Variants in NICN1 observed in about 807,000 individuals in gnomAD.
The protein encoded by NICN1 is nicolin 1, tubulin polyglutamylase complex subunit.
Under a neutral mutation model 26.3 loss-of-function variants are expected in NICN1, and 18 were observed. The observed-to-expected ratio is 0.68, with a 90% confidence interval of 0.47 to 1.01. NICN1 has a LOEUF of 1.01. NICN1 is among the 50% of genes least tolerant of loss of function. The pLI, the probability that NICN1 is intolerant of heterozygous loss-of-function variation, is 0.00. For missense variants in NICN1, 239 were observed against 278.3 expected, an observed-to-expected ratio of 0.86 and a Z score of 1.00; for synonymous variants, 109 against 111.0, an observed-to-expected ratio of 0.98 and a Z score of 0.11.
At chr3:49,425,279 C>T (rs2049161550) in intron 4 of NICN1, 88 bp downstream of exon 4, 1 of 1,193,870 alleles carries the variant, frequency 8.4e-7, no homozygotes, top group Non-Finnish European at 1.2e-6. Context: ...TGGGCCCAGC[C>T]CCAGAATTTT....
At position 49,424,987 on chromosome 3, in the gene NICN1, G is replaced by A. The variant is rs372441845; in HGVS notation, c.562C>T (p.Arg188Trp). The A allele has an allele frequency of 1.1e-5, 17 of 1,613,938 alleles. No individual in the cohort carries two copies. The highest frequency in any genetic ancestry group is 4.0e-5 in the African/African-American group (3 of 74,900). The change falls in exon 5 of 6, where the codon CGG (arginine) becomes TGG (tryptophan). Residue 188 changes from arginine (R) to tryptophan (W), a missense_variant. Transcript: ENST00000273598. ...QQMWALTEMI[R>W]ASHTSARIGR... ...ATCCTTGCGGAGGTGTGACTGGCCCGGATCATCTCTGTCAGTGCCCACATC... is the reference window on the plus strand; with the variant it reads ...ATCCTTGCGGAGGTGTGACTGGCCCAGATCATCTCTGTCAGTGCCCACATC...
Position 49,422,987 on chromosome 3 carries a change from C to T in NICN1, c.*1846G>A. 4.2e-6 allele frequency: 1 copy of T among 236,664 alleles called. No homozygotes were observed. Among genetic ancestry groups the T allele is most frequent in the African/African-American group, 2.3e-5 (1 of 44,310 alleles). The allele number at this position is 236,664 out of a possible 1,614,324, so 14.7% of individuals were successfully genotyped here. A position where few individuals can be genotyped will look rare whatever the true frequency, so the allele number is the denominator to read the frequency against. On this transcript the variant is annotated 3_prime_UTR_variant, in exon 6 of 6. Coordinates refer to ENST00000273598, the MANE Select transcript of NICN1 (RefSeq NM_032316.3). ...TTATTGATCTTACTGCATACCAGGC[C>T]CTCAGATGGGGACACAGCCACGAAT... is the stretch of plus-strand genomic sequence containing the variant.
intron 2 of NICN1, 119 bp from the exon 3 acceptor site, chr3:49,426,115 C>G (rs1055791401): frequency 9.1e-6 from 10 of 1,097,302 alleles, no homozygotes; most frequent in Non-Finnish European, 1.2e-5. Flanking sequence ...GAACAGTAGT[C>G]CCTCCAAGGC....
Position 49,424,874 on chromosome 3 carries a change from C to T in NICN1, c.601G>A (p.Val201Met), listed in dbSNP as rs1279132786. 6.2e-7 allele frequency: 1 copy of T among 1,613,982 alleles called. No individual in the cohort carries two copies. Among genetic ancestry groups the T allele is most frequent in the South Asian group, 1.1e-5 (1 of 91,080 alleles). The change falls in exon 6 of 6, where the codon GTG becomes ATG. Residue 201 changes from valine to methionine, a missense_variant and splice_region_variant. By Grantham distance (21) the Val-to-Met change is conservative. Transcript: ENST00000273598. ...HTSARIGRFDVDGCYDLNLLS... is the reference protein window; with the variant it reads ...HTSARIGRFDMDGCYDLNLLS... Reference sequence around the variant, plus strand: ...AAGTTCAGGTCATAACAGCCATCCACCTGAAATACAAAAGACCATCAGGTC... The same window carrying T: ...AAGTTCAGGTCATAACAGCCATCCATCTGAAATACAAAAGACCATCAGGTC...
intron 4 of NICN1, 81 bp from the exon 5 acceptor site, chr3:49,425,134 A>G: frequency 2.5e-6 from 3 of 1,186,824 alleles, no homozygotes; most frequent in Non-Finnish European, 3.7e-6. Context: ...AACCTGGGCT[A>G]GGGGCCCTCC....
rs1052707382 is a variant in NICN1 at position 49,422,954 on chromosome 3, A to G, written c.*1879T>C. 4 of 275,392 alleles carry G rather than the reference A, an allele frequency of 1.5e-5. No homozygotes were observed. The highest frequency in any genetic ancestry group is 2.2e-5 in the African/African-American group (1 of 45,472). 17.1% of individuals were successfully genotyped at this position (275,392 alleles called of 1,614,324 possible). A position where few individuals can be genotyped will look rare whatever the true frequency, so the allele number is the denominator to read the frequency against. ...CAGGCAGCCAGCAGTCATGCATTCC[A>G]CAAGTATTTATTGATCTTACTGCAT... is the stretch of plus-strand genomic sequence containing the variant. On this transcript the variant is annotated 3_prime_UTR_variant, in exon 6 of 6. Coordinates refer to ENST00000273598, the MANE Select transcript of NICN1 (RefSeq NM_032316.3).
rs762806582 is a variant in NICN1 at position 49,422,678 on chromosome 3, C to A, written c.*2155G>T. On this transcript the variant is annotated 3_prime_UTR_variant, in exon 6 of 6. Coordinates refer to ENST00000273598, the MANE Select transcript of NICN1 (RefSeq NM_032316.3). Reference sequence around the variant, plus strand: ...TTTCGGCTGACTCTTCAGGGCAGCTCGGGCAATCCAGAGCTGATTGGGCTG... The same window carrying A: ...TTTCGGCTGACTCTTCAGGGCAGCTAGGGCAATCCAGAGCTGATTGGGCTG... 4.4e-6 allele frequency: 3 copies of A among 683,378 alleles called. No homozygotes were observed. Among genetic ancestry groups the A allele is most frequent in the South Asian group, 1.5e-5 (1 of 65,810 alleles). The allele number at this position is 683,378 out of a possible 1,614,324, so 42.3% of individuals were successfully genotyped here. A position where few individuals can be genotyped will look rare whatever the true frequency, so the allele number is the denominator to read the frequency against.
chr3:49,424,683 C>T lies in NICN1; in HGVS notation c.*150G>A. The T allele has an allele frequency of 1.4e-6, 1 of 711,478 alleles. No individual in the cohort carries two copies. The highest frequency in any genetic ancestry group is 1.6e-5 in the South Asian group (1 of 62,210). The allele number at this position is 711,478 out of a possible 1,614,324, so 44.1% of individuals were successfully genotyped here. On this transcript the variant is annotated 3_prime_UTR_variant, in exon 6 of 6. Transcript: ENST00000273598. ...CATGCTGAAGTAACACGGTAAGCCC[C>T]TGAGAATCCTGAATCTGTGAATGTG...
chr3:49,422,477 G>A lies in NICN1; in HGVS notation c.*2356C>T, dbSNP rs377647344. 32 of 1,606,936 alleles carry A rather than the reference G, an allele frequency of 2.0e-5. No homozygotes were observed. The highest frequency in any genetic ancestry group is 1.6e-4 in the African/African-American group (12 of 74,798). ...GTCGCCTGCAACGAGTGCAGACGGC[G>A]CACAGAGGCCACCACACTGCCAGGC... is the stretch of plus-strand genomic sequence containing the variant. On this transcript the variant is annotated 3_prime_UTR_variant, in exon 6 of 6. Transcript: ENST00000273598.
chr3:49,427,668 T>C (rs1300067584), intron 1 of NICN1, among the ~76,000 whole-genome samples: 1 of 138,394 alleles, frequency 7.2e-6, no homozygotes, highest in African/African-American at 2.7e-5. Flanking sequence ...AAAAAAGAAA[T>C]GTAGATAATG....
intron 3 of NICN1, among the ~76,000 whole-genome samples, 166 bp from the exon 4 acceptor site, chr3:49,425,604 T>C (rs2049163567): frequency 6.6e-6 from 1 of 151,648 alleles, no homozygotes; most frequent in Non-Finnish European, 1.5e-5. Context: ...CTACCTAAGT[T>C]CTCCTGCTGT....
At position 49,426,344 on chromosome 3, in the gene NICN1, T is replaced by C. The variant is rs1189230623; in HGVS notation, c.217A>G (p.Lys73Glu). Residue 73 changes from lysine (K) to glutamate (E), a missense_variant, in exon 2 of 6, where the codon AAG (lysine) becomes GAG (glutamate). By Grantham distance (56) the Lys-to-Glu change is moderately conservative. Transcript: ENST00000273598. ...TAGTCCCGCAGGCAGGTCACCCACT[T>C]GGCAGGTGTGTGTGCTGAGGTGTAC... is the stretch of plus-strand genomic sequence containing the variant. ...RQYTSAHTPA[K>E]WVTCLRDYCL... 1 of 1,614,094 alleles carries C rather than the reference T, an allele frequency of 6.2e-7. No homozygotes were observed. Among genetic ancestry groups the C allele is most frequent in the African/African-American group, 1.3e-5 (1 of 74,948 alleles).
In NICN1 at chr3:49,424,989, A is replaced by G. The variant is rs373009135; in HGVS notation, c.560T>C (p.Ile187Thr). ...VQQMWALTEMIRASHTSARIG... is the reference protein window; with the variant it reads ...VQQMWALTEMTRASHTSARIG... The stretch of plus-strand genomic sequence containing the variant: ...CCTTGCGGAGGTGTGACTGGCCCGG[A>G]TCATCTCTGTCAGTGCCCACATCTG... The change falls in exon 5 of 6, where the codon ATC becomes ACC. Residue 187 changes from isoleucine to threonine, a missense_variant. Coordinates refer to ENST00000273598, the MANE Select transcript of NICN1 (RefSeq NM_032316.3). 3.1e-6 allele frequency: 5 copies of G among 1,614,016 alleles called. No homozygotes were observed. The highest frequency in any genetic ancestry group is 2.2e-5 in the East Asian group (1 of 44,880).
intron 2 of NICN1, 70 bp from the exon 3 acceptor site, chr3:49,426,066 G>C: frequency 8.4e-7 from 1 of 1,185,904 alleles, no homozygotes; most frequent in Middle Eastern, 1.9e-4. Context: ...CCAGCAATGA[G>C]CCAGAATGCT....
intron 1 of NICN1, among the ~76,000 whole-genome samples, chr3:49,427,662 AAG>A: frequency 6.6e-6 from 1 of 151,590 alleles, no homozygotes; most frequent in African/African-American, 2.4e-5. Flanking sequence ...AAAAAAAAAA[AAG>A]AAATGTAGAT....
Position 49,422,823 on chromosome 3 carries a change from G to A in NICN1, c.*2010C>T. 1 of 375,816 alleles carries A rather than the reference G, an allele frequency of 2.7e-6. No homozygotes were observed. The highest frequency in any genetic ancestry group is 2.2e-5 in the South Asian group (1 of 46,342). The allele number at this position is 375,816 out of a possible 1,614,324, so 23.3% of individuals were successfully genotyped here. On this transcript the variant is annotated 3_prime_UTR_variant, in exon 6 of 6. Transcript: ENST00000273598. ...ACCTTTAGGACCTCAAGAGAGTAAGGTCAAGTGGGGGTGGGGAAGGTGGGC... is the reference window on the plus strand; with the variant it reads ...ACCTTTAGGACCTCAAGAGAGTAAGATCAAGTGGGGGTGGGGAAGGTGGGC...
chr3:49,429,092 C>T lies in NICN1; in HGVS notation c.132+16G>A. On this transcript the variant is annotated intron_variant, in intron 1 of 5. Coordinates refer to ENST00000273598, the MANE Select transcript of NICN1 (RefSeq NM_032316.3). ...CCCGCCCGGGAGCCTCGGTCGCGCCCACCAGGCTTGCTCACCTCGAAGGGA... is the reference window on the plus strand; with the variant it reads ...CCCGCCCGGGAGCCTCGGTCGCGCCTACCAGGCTTGCTCACCTCGAAGGGA... 3 of 1,587,800 alleles carry T rather than the reference C, an allele frequency of 1.9e-6. No homozygotes were observed. Among genetic ancestry groups the T allele is most frequent in the Non-Finnish European group, 2.6e-6 (3 of 1,166,512 alleles).
chr3:49,426,926 C>T (rs566658056), intron 1 of NICN1, among the ~76,000 whole-genome samples: 5 of 152,248 alleles, frequency 3.3e-5, no homozygotes, highest in African/African-American at 1.2e-4. Context: ...TCTTGCCACA[C>T]GTCCAAGATG....
chr3:49,425,208 C>A, intron 4 of NICN1, 155 bp from the exon 5 acceptor site: 1 of 819,818 alleles, frequency 1.2e-6, no homozygotes, highest in South Asian at 1.5e-5. Context: ...GATGTAGCCC[C>A]ACAACAGAGA....
Sources: gnomAD v4.1 joint callset for allele counts (sites outside exome capture counted in the v4.1 genomes callset) on GRCh38, gnomAD v4.1.1 for gene constraint, MANE v1.5 for transcripts, NCBI Gene and HGNC (gene_info 2026-07-23, HGNC 2026-07-21) for gene names.